Variants in RARB observed in about 807,000 individuals in gnomAD.
The protein encoded by RARB is retinoic acid receptor beta, also known as HBV-activated protein.
In RARB, 17 loss-of-function variants were observed where a neutral mutation model predicts 51.9. The ratio of observed to expected loss-of-function variants is 0.33; its 90% confidence interval spans 0.22 to 0.49. The LOEUF (loss-of-function observed/expected upper bound fraction) is 0.49. Ranked by LOEUF, RARB falls within the 20% of genes least tolerant of loss-of-function variation. The pLI, the probability that RARB is intolerant of heterozygous loss-of-function variation, is 0.99. For synonymous variants in RARB, 215 were observed against 195.4 expected, an observed-to-expected ratio of 1.10 and a Z score of -0.84; for missense variants, 369 against 550.8, an observed-to-expected ratio of 0.67 and a Z score of 3.30.
intron 4 of RARB, among the ~76,000 whole-genome samples, chr3:25,146,752 C>T (rs1559482708): frequency 1.3e-5 from 2 of 151,938 alleles, no homozygotes; most frequent in African/African-American, 4.8e-5. Flanking sequence ...ATCTCCTGAC[C>T]TCATGATCCG....
intron 5 of RARB, among the ~76,000 whole-genome samples, chr3:25,410,845 G>T (rs889227385): frequency 2.0e-5 from 3 of 152,120 alleles, no homozygotes; most frequent in African/African-American, 7.2e-5. Context: ...CCCAATTCCT[G>T]CTCGCTGCCC....
chr3:25,428,270 A>T lies in RARB; in HGVS notation c.-462A>T, dbSNP rs753086857. On this transcript the variant is annotated 5_prime_UTR_variant, in exon 1 of 8. Transcript: ENST00000330688. Reference sequence around the variant, plus strand: ...TTCAATCTTTCATTCTGTGTGACAGAAGTAGTAGGAAGTGAGCTGTTCAGA... The same window carrying T: ...TTCAATCTTTCATTCTGTGTGACAGTAGTAGTAGGAAGTGAGCTGTTCAGA... The T allele has an allele frequency of 8.1e-7, 1 of 1,233,476 alleles. No homozygotes were observed. Among genetic ancestry groups the T allele is most frequent in the Non-Finnish European group, 1.0e-6 (1 of 989,122 alleles). The allele number at this position is 1,233,476 out of a possible 1,614,324, so 76.4% of individuals were successfully genotyped here.
intron 2 of RARB, among the ~76,000 whole-genome samples, chr3:25,500,215 A>G (rs963762728): frequency 2.6e-5 from 4 of 152,144 alleles, no homozygotes; most frequent in Non-Finnish European, 5.9e-5. Flanking sequence ...TTTACTTTTC[A>G]TTAATTTTGA....
intron 1 of RARB, among the ~76,000 whole-genome samples, chr3:24,829,608 C>G (rs1702253810): frequency 6.6e-6 from 1 of 152,206 alleles, no homozygotes; most frequent in Non-Finnish European, 1.5e-5. Context: ...AGCCCGCGAC[C>G]GATCCCAGGA....
At chr3:24,936,446 G>GC (rs1695549700) in intron 2 of RARB, among the ~76,000 whole-genome samples, 1 of 152,142 alleles carries the variant, frequency 6.6e-6, no homozygotes, top group South Asian at 2.1e-4. Context: ...ATCCAGAAAG[G>GC]CATTTTTCAT....
At chr3:25,427,677 A>C (rs1360577949), upstream of RARB, among the ~76,000 whole-genome samples, 2 of 152,228 alleles carry the variant, frequency 1.3e-5, no homozygotes. Context: ...CAATTCAGCC[A>C]GGGGCTTGCA....
At chr3:25,172,281 A>G (rs1342545373) in intron 4 of RARB, among the ~76,000 whole-genome samples, 1 of 152,240 alleles carries the variant, frequency 6.6e-6, no homozygotes, top group East Asian at 1.9e-4. Flanking sequence ...CGTTCAAAAT[A>G]TATAAGCTTA....
At chr3:25,446,027 C>G (rs1186562989) in intron 1 of RARB, among the ~76,000 whole-genome samples, 1 of 152,194 alleles carries the variant, frequency 6.6e-6, no homozygotes, top group Non-Finnish European at 1.5e-5. Flanking sequence ...GATAAATAAT[C>G]CCAATAGACA....
intron 2 of RARB, among the ~76,000 whole-genome samples, chr3:25,006,633 G>C (rs899233600): frequency 6.6e-6 from 1 of 152,108 alleles, no homozygotes; most frequent in Non-Finnish European, 1.5e-5. Context: ...TAATCATAAA[G>C]ACTTCAGTGT....
At chr3:24,967,638 G>A (rs566551740) in intron 2 of RARB, among the ~76,000 whole-genome samples, 8 of 152,224 alleles carry the variant, frequency 5.3e-5, no homozygotes, top group East Asian at 1.9e-4. Context: ...CTCTGCAGTC[G>A]TGTAATTAAG....
intron 4 of RARB, among the ~76,000 whole-genome samples, chr3:25,579,473 C>T (rs994915640): frequency 3.3e-5 from 5 of 152,184 alleles, no homozygotes; most frequent in African/African-American, 7.2e-5. Context: ...TGAGTATGGG[C>T]GTTTTATGTC....
intron 2 of RARB, among the ~76,000 whole-genome samples, chr3:25,468,068 G>A (rs1695518239): frequency 6.6e-6 from 1 of 152,184 alleles, no homozygotes; most frequent in African/African-American, 2.4e-5. Flanking sequence ...GTCATAGAGA[G>A]AAAGCATTTT....
chr3:25,458,368 A>T (rs1214305017), intron 1 of RARB: 3 of 152,232 alleles, frequency 2.0e-5, no homozygotes, highest in Non-Finnish European at 4.4e-5. Flanking sequence ...GTACACAGTG[A>T]ATTTCTCTGA....
intron 3 of RARB, among the ~76,000 whole-genome samples, chr3:25,079,251 AC>A (rs1168521217): frequency 6.6e-6 from 1 of 152,178 alleles, no homozygotes; most frequent in Non-Finnish European, 1.5e-5. Context: ...TGCTAAATTT[AC>A]TTACACATTT....
chr3:25,584,980 C>T (rs1701328388), intron 5 of RARB, among the ~76,000 whole-genome samples: 1 of 151,438 alleles, frequency 6.6e-6, no homozygotes, highest in Admixed American at 6.6e-5. Flanking sequence ...GCACGCAATC[C>T]TGGCTCCACA....
At chr3:24,951,910 C>T (rs9847199) in intron 2 of RARB, among the ~76,000 whole-genome samples, 80,286 of 151,904 alleles carry the variant, frequency 0.53, 21,936 homozygotes, top group East Asian at 0.66. Context: ...ATTTGGATTA[C>T]AGGAAACGTA....
intron 3 of RARB, among the ~76,000 whole-genome samples, chr3:25,099,615 TAAAA>T (rs10540610): frequency 3.0e-4 from 43 of 142,504 alleles, no homozygotes; most frequent in Admixed American, 3.5e-4. Flanking sequence ...TTTCAGGATT[TAAAA>T]AAAAAAAAAA....
At chr3:25,280,758 T>C (rs1703502938) in intron 5 of RARB, among the ~76,000 whole-genome samples, 1 of 152,174 alleles carries the variant, frequency 6.6e-6, no homozygotes, top group Non-Finnish European at 1.5e-5. Flanking sequence ...CTTGCCATTA[T>C]CCCATATCCT....
At chr3:25,192,553 C>G (rs1030028783) in intron 5 of RARB, among the ~76,000 whole-genome samples, 2 of 152,074 alleles carry the variant, frequency 1.3e-5, no homozygotes, top group Non-Finnish European at 2.9e-5. Context: ...CTTTACTCAT[C>G]GTGTTTTCCA....
Sources: gnomAD v4.1 joint callset for allele counts (sites outside exome capture counted in the v4.1 genomes callset) on GRCh38, gnomAD v4.1.1 for gene constraint, MANE v1.5 for transcripts, NCBI Gene and HGNC (gene_info 2026-07-23, HGNC 2026-07-21) for gene names.